The following FAR2 variants were observed in gnomAD, a reference collection of about 807,000 sequenced individuals.
FAR2 encodes epididymis secretory protein Li 81.
A neutral mutation model predicts 56.0 loss-of-function variants in FAR2; 19 were observed. The ratio of observed to expected loss-of-function variants is 0.34; its 90% CI spans 0.24 to 0.50. FAR2 has a LOEUF of 0.50. Among genes scored for constraint, FAR2 ranks in the 20% least tolerant of loss-of-function variants. The pLI is 0.98. For synonymous variants in FAR2, 219 were observed against 218.8 expected, an observed-to-expected ratio of 1.00 and a Z score of -0.01; for missense variants, 508 against 642.2, an observed-to-expected ratio of 0.79 and a Z score of 2.26.
chr12:29,307,383 A>G (rs1014717665), intron 4 of FAR2, among the ~76,000 whole-genome samples: 19 of 147,950 alleles, frequency 1.3e-4, no homozygotes, highest in African/African-American at 4.5e-4. Flanking sequence ...TATTGATTCT[A>G]TCGGTCTATC....
chr12:29,201,724 T>TTA (rs1947414796), intron 1 of FAR2, among the ~76,000 whole-genome samples: 2 of 152,204 alleles, frequency 1.3e-5, no homozygotes, highest in African/African-American at 4.8e-5. Flanking sequence ...ACTGCACTGT[T>TTA]TAGTATAATA....
intron 1 of FAR2, among the ~76,000 whole-genome samples, chr12:29,232,734 G>A (rs182718094): frequency 1.3e-4 from 20 of 151,864 alleles, no homozygotes; most frequent in Non-Finnish European, 2.9e-5. Context: ...TTTGGCACCT[G>A]AGTCCCTATC....
intron 1 of FAR2, among the ~76,000 whole-genome samples, chr12:29,239,151 A>T (rs1266774378): frequency 6.6e-6 from 1 of 152,138 alleles, no homozygotes; most frequent in Non-Finnish European, 1.5e-5. Flanking sequence ...GCTTTGCTGT[A>T]TTGTTGTTAG....
intron 1 of FAR2, among the ~76,000 whole-genome samples, chr12:29,160,528 G>T (rs1949773244): frequency 6.6e-6 from 1 of 152,166 alleles, no homozygotes; most frequent in African/African-American, 2.4e-5. Context: ...GTATTCAAAG[G>T]CAAGTTACTT....
chr12:29,319,404 T>C (rs1472432479), intron 9 of FAR2, among the ~76,000 whole-genome samples: 1 of 152,198 alleles, frequency 6.6e-6, no homozygotes, highest in African/African-American at 2.4e-5. Flanking sequence ...TTTTTTTGAT[T>C]TGCATTCATG....
chr12:29,248,879 A>C (rs1056182957), intron 1 of FAR2, among the ~76,000 whole-genome samples: 3 of 152,234 alleles, frequency 2.0e-5, no homozygotes, highest in African/African-American at 7.2e-5. Context: ...TTTTGAAAGA[A>C]GAGATATATG....
At chr12:29,328,163 A>G (rs1949678260) in intron 10 of FAR2, among the ~76,000 whole-genome samples, 1 of 152,170 alleles carries the variant, frequency 6.6e-6, no homozygotes, top group Non-Finnish European at 1.5e-5. Context: ...AATGCTCATC[A>G]TCACTGGCCA....
At chr12:29,265,765 T>C (rs1051653679) in intron 1 of FAR2, among the ~76,000 whole-genome samples, 2 of 152,134 alleles carry the variant, frequency 1.3e-5, no homozygotes, top group African/African-American at 2.4e-5. Context: ...AAACTATCCA[T>C]CTGACAAGGG....
intron 7 of FAR2, among the ~76,000 whole-genome samples, chr12:29,311,642 T>C (rs1376020202): frequency 6.7e-6 from 1 of 148,826 alleles, no homozygotes; most frequent in Non-Finnish European, 1.5e-5. Context: ...CTCCATAATA[T>C]GTCACTCCTA....
intron 1 of FAR2, among the ~76,000 whole-genome samples, chr12:29,176,056 C>G (rs1949935223): frequency 6.6e-6 from 1 of 152,170 alleles, no homozygotes; most frequent in African/African-American, 2.4e-5. Flanking sequence ...ATTTGCACTT[C>G]TGTAGTTTTA....
At chr12:29,168,607 A>G (rs1949854020) in intron 1 of FAR2, among the ~76,000 whole-genome samples, 1 of 152,164 alleles carries the variant, frequency 6.6e-6, no homozygotes, top group Non-Finnish European at 1.5e-5. Flanking sequence ...TGAGTGTTAC[A>G]GCTCTTAAGG....
intron 2 of FAR2, chr12:29,291,301 G>T (rs894673246): frequency 3.4e-5 from 15 of 439,922 alleles, no homozygotes; most frequent in Non-Finnish European, 6.4e-5. Context: ...CACCTGCAGA[G>T]GCGGTTAAGA....
At chr12:29,205,801 T>G (rs559394611) in intron 1 of FAR2, among the ~76,000 whole-genome samples, 1 of 152,024 alleles carries the variant, frequency 6.6e-6, no homozygotes, top group East Asian at 1.9e-4. Flanking sequence ...GCTGCAGATG[T>G]TTAATATTAA....
intron 10 of FAR2, among the ~76,000 whole-genome samples, chr12:29,330,918 A>C (rs1949722292): frequency 6.6e-6 from 1 of 152,184 alleles, no homozygotes; most frequent in South Asian, 2.1e-4. Context: ...ATACAGACTA[A>C]ATAGAATAAA....
intron 1 of FAR2, among the ~76,000 whole-genome samples, chr12:29,213,545 C>A (rs1278880777): frequency 1.3e-5 from 2 of 152,098 alleles, no homozygotes; most frequent in Admixed American, 1.3e-4. Flanking sequence ...CAAAAATTAA[C>A]CGGGTGTAGT....
intron 1 of FAR2, among the ~76,000 whole-genome samples, chr12:29,251,556 A>G (rs753290251): frequency 2.0e-5 from 3 of 152,140 alleles, no homozygotes; most frequent in Non-Finnish European, 2.9e-5. Flanking sequence ...TGAGACCCCT[A>G]ACCTGTACTG....
rs369746455 is a variant in FAR2, at chr12:29,169,020, C to T, written c.-39+19613C>T. On this transcript the variant is annotated intron_variant, in intron 1 of 11. Coordinates refer to ENST00000536681, the MANE Select transcript of FAR2 (RefSeq NM_001271783.2). The stretch of plus-strand genomic sequence containing the variant: ...CTAGACACAGAGCACTGATTTGGTG[C>T]GTTTTTACAGAGTGCTGATTGGTGC... Among the ~76,000 whole-genome samples the T allele has an allele frequency of 4.6e-4, 70 of 152,250 alleles. 2 individuals are homozygous for T. The South Asian group carries it at 0.014, about 30-fold the overall frequency.
chr12:29,291,560 C>A, intron 2 of FAR2: 1 of 429,756 alleles, frequency 2.3e-6, no homozygotes, highest in South Asian at 1.7e-5. Flanking sequence ...AATTGGGGGA[C>A]TTGGTGTGAA....
At chr12:29,151,624 G>A (rs1352743768) in intron 1 of FAR2, 1 of 152,162 alleles carries the variant, frequency 6.6e-6, no homozygotes, top group Non-Finnish European at 1.5e-5. Flanking sequence ...CCTGACCCCA[G>A]GCTGACAAAC....
Sources: allele counts gnomAD v4.1 joint callset (sites outside exome capture counted in the v4.1 genomes callset), GRCh38; gene constraint gnomAD v4.1.1; transcripts MANE v1.5; gene names NCBI Gene and HGNC (gene_info 2026-07-23, HGNC 2026-07-21).